The following CD200R1 variants were observed in gnomAD, a reference collection of about 807,000 sequenced individuals.
CD200R1 encodes the protein CD200 receptor 1, also known as cell surface glycoprotein CD200 receptor 1.
Under a neutral mutation model 38.1 loss-of-function variants are expected in CD200R1, and 30 were observed. The observed-to-expected ratio is 0.79, with a 90% CI of 0.59 to 1.07. The LOEUF (loss-of-function observed/expected upper bound fraction) is 1.07, where lower values mean the gene tolerates loss of function less well. CD200R1 is among the 50% of genes least tolerant of loss of function. The pLI, the probability that CD200R1 is intolerant of heterozygous loss-of-function variation, is 0.00. For missense variants in CD200R1, 372 were observed against 415.4 expected (o/e 0.90, Z 0.91); for synonymous variants, 128 against 152.1 (o/e 0.84, Z 1.16).
At chr3:112,938,702 C>T (rs1465348902) in intron 2 of CD200R1, among the ~76,000 whole-genome samples, 1 of 151,968 alleles carries the variant, frequency 6.6e-6, no homozygotes, top group Non-Finnish European at 1.5e-5. Flanking sequence ...GTCCTTGATA[C>T]ACAGATGAAA....
intron 1 of CD200R1, among the ~76,000 whole-genome samples, chr3:112,953,237 G>C (rs950322905): frequency 1.3e-5 from 2 of 152,054 alleles, no homozygotes; most frequent in Non-Finnish European, 2.9e-5. Flanking sequence ...TCTTCATTCT[G>C]TTCCTGTGAT....
At chr3:112,966,851 C>T (rs1933177060) in intron 1 of CD200R1, among the ~76,000 whole-genome samples, 1 of 152,080 alleles carries the variant, frequency 6.6e-6, no homozygotes, top group Admixed American at 6.6e-5. Context: ...GTGGTCTGTG[C>T]CCACAGCCTC....
chr3:112,936,870 T>C (rs545838969), intron 2 of CD200R1, among the ~76,000 whole-genome samples: 2 of 152,334 alleles, frequency 1.3e-5, no homozygotes, highest in African/African-American at 4.8e-5. Flanking sequence ...CATGAAATCA[T>C]GAAATCTTTG....
At chr3:112,929,714 T>C (rs1940380120) in intron 3 of CD200R1, among the ~76,000 whole-genome samples, 1 of 152,102 alleles carries the variant, frequency 6.6e-6, no homozygotes, top group South Asian at 2.1e-4. Context: ...TTCTCCTGTA[T>C]TATGTATTAT....
intron 1 of CD200R1, among the ~76,000 whole-genome samples, chr3:112,959,129 T>C (rs1932944642): frequency 1.3e-5 from 2 of 152,144 alleles, no homozygotes; most frequent in Non-Finnish European, 2.9e-5. Flanking sequence ...ACGTCACCAT[T>C]CCTGTTAAAA....
At chr3:112,955,419 T>G (rs79011041) in intron 1 of CD200R1, among the ~76,000 whole-genome samples, 1 of 152,144 alleles carries the variant, frequency 6.6e-6, no homozygotes, top group Non-Finnish European at 1.5e-5. Context: ...TGCTTCAATG[T>G]TGGGTACATA....
chr3:112,939,869 CA>C (rs199986714), intron 2 of CD200R1, among the ~76,000 whole-genome samples: 45 of 120,344 alleles, frequency 3.7e-4, no homozygotes, highest in East Asian at 1.6e-3. Context: ...ACAAACAAAC[CA>C]AAAAAAAAAA....
At chr3:112,927,155 G>T (rs935432864) in intron 5 of CD200R1, among the ~76,000 whole-genome samples, 2 of 152,112 alleles carry the variant, frequency 1.3e-5, no homozygotes, top group Non-Finnish European at 2.9e-5. Context: ...CCAAAGTCAA[G>T]GATCCAGACA....
intron 1 of CD200R1, among the ~76,000 whole-genome samples, chr3:112,963,310 G>A (rs1022092877): frequency 1.3e-5 from 2 of 152,342 alleles, no homozygotes; most frequent in South Asian, 2.1e-4. Context: ...GCAGGTAGAG[G>A]TTGGAACAGT....
chr3:112,930,769 G>T (rs969301548), intron 3 of CD200R1, among the ~76,000 whole-genome samples: 10 of 152,150 alleles, frequency 6.6e-5, no homozygotes, highest in African/African-American at 2.2e-4. Flanking sequence ...TCTCTTACAT[G>T]GTTTGTACTC....
At chr3:112,938,882 C>T (rs1940650132) in intron 2 of CD200R1, among the ~76,000 whole-genome samples, 1 of 151,900 alleles carries the variant, frequency 6.6e-6, no homozygotes, top group Admixed American at 6.6e-5. Flanking sequence ...AAAATACTAG[C>T]AAATGAATTC....
intron 5 of CD200R1, among the ~76,000 whole-genome samples, chr3:112,925,603 T>C (rs1940263145): frequency 6.6e-6 from 1 of 152,060 alleles, no homozygotes; most frequent in African/African-American, 2.4e-5. Flanking sequence ...CTTTGGGTGG[T>C]AATGTTGTAT....
intron 6 of CD200R1, 130 bp downstream of exon 6, chr3:112,924,955 A>G: frequency 1.5e-6 from 1 of 668,778 alleles, no homozygotes. Flanking sequence ...TCTATCTAAC[A>G]CCTTCAAGAT....
intron 1 of CD200R1, among the ~76,000 whole-genome samples, chr3:112,954,253 G>A (rs1941036594): frequency 6.6e-6 from 1 of 151,964 alleles, no homozygotes; most frequent in South Asian, 2.1e-4. Context: ...TTGATTTCAG[G>A]CTTTATATCC....
In CD200R1 at chr3:112,974,905, C is replaced by CA. The variant is rs1430357282; in HGVS notation, c.-49dup. 6.7e-7 allele frequency: 1 copy of CA among 1,483,954 alleles called. No homozygotes were observed. The highest frequency in any genetic ancestry group is 9.4e-7 in the Non-Finnish European group (1 of 1,063,714). The allele number at this position is 1,483,954 out of a possible 1,614,324, so 91.9% of individuals were successfully genotyped here. A position where few individuals can be genotyped will look rare whatever the true frequency, so the allele number is the denominator to read the frequency against. ...CTTCACTCAGTACTTTTCCTCCACA[C>CA]AGGTACAGAAGGAACTGTGCGCATG... On this transcript the variant is annotated 5_prime_UTR_variant, in exon 1 of 8. It introduces an in-frame stop codon into an upstream open reading frame of the 5' UTR. Coordinates refer to ENST00000308611, the MANE Select transcript of CD200R1 (RefSeq NM_138806.4).
At chr3:112,951,412 A>G (rs1335734138) in intron 1 of CD200R1, among the ~76,000 whole-genome samples, 4 of 151,998 alleles carry the variant, frequency 2.6e-5, no homozygotes, top group Non-Finnish European at 5.9e-5. Context: ...GCAAACATGT[A>G]AGAAAGAAGT....
At chr3:112,950,916 G>A (rs905576137) in intron 1 of CD200R1, among the ~76,000 whole-genome samples, 27 of 152,214 alleles carry the variant, frequency 1.8e-4, no homozygotes, top group African/African-American at 6.3e-4. Context: ...TAACACAGTG[G>A]TTTTAGGAAA....
chr3:112,934,152 A>T (rs1940519593), intron 2 of CD200R1, among the ~76,000 whole-genome samples: 1 of 152,154 alleles, frequency 6.6e-6, no homozygotes, highest in Non-Finnish European at 1.5e-5. Flanking sequence ...AAATAGATTT[A>T]ACCCAAATAC....
At chr3:112,952,762 T>A (rs1018852169) in intron 1 of CD200R1, among the ~76,000 whole-genome samples, 1 of 152,098 alleles carries the variant, frequency 6.6e-6, no homozygotes, top group Non-Finnish European at 1.5e-5. Flanking sequence ...ATTGTGCACA[T>A]GTACCATAAA....
Sources: allele counts gnomAD v4.1 joint callset (sites outside exome capture counted in the v4.1 genomes callset), GRCh38; gene constraint gnomAD v4.1.1; transcripts MANE v1.5; gene names NCBI Gene and HGNC (gene_info 2026-07-23, HGNC 2026-07-21).